The following VPS13B variants were observed in gnomAD, a reference collection of about 807,000 sequenced individuals.
VPS13B encodes intermembrane lipid transfer protein VPS13B.
VPS13B carries 285 observed loss-of-function variants against 426.4 expected under a neutral mutation model. The observed-to-expected ratio is 0.67, with a 90% confidence interval of 0.61 to 0.74. The LOEUF (loss-of-function observed/expected upper bound fraction) is 0.74. Among genes scored for constraint, VPS13B ranks in the 30% least tolerant of loss-of-function variants. The pLI is 0.00. For missense variants in VPS13B, 4,537 were observed against 4,782.6 expected (o/e 0.95, Z 1.51); for synonymous variants, 1,676 against 1,676.4 (o/e 1.00, Z 0.01).
intron 3 of VPS13B, among the ~76,000 whole-genome samples, chr8:99,059,030 A>C (rs1435244386): frequency 6.6e-6 from 1 of 152,256 alleles, no homozygotes; most frequent in Non-Finnish European, 1.5e-5. Context: ...TTTGAAGGAA[A>C]AGTTGAAAAG....
chr8:99,641,835 G>T lies in VPS13B; in HGVS notation c.5245G>T (p.Val1749Leu), dbSNP rs759133784. ...AEISKQEQKKVDIFDGGMAET... is the reference protein window; with the variant it reads ...AEISKQEQKKLDIFDGGMAET... ...GATCTCTAAACAAGAACAGAAAAAA[G>T]TGGATATATTTGATGGAGGCATGGC... The change falls in exon 34 of 62, where the codon GTG (valine) becomes TTG (leucine). Residue 1749 changes from valine (V) to leucine (L), a missense_variant. Coordinates refer to ENST00000357162, the MANE Select transcript of VPS13B (RefSeq NM_152564.5). The T allele has an allele frequency of 6.2e-7, 1 of 1,611,752 alleles. No homozygotes were observed. The highest frequency in any genetic ancestry group is 8.5e-7 in the Non-Finnish European group (1 of 1,178,434).
At chr8:99,315,535 T>G (rs1029235489) in intron 19 of VPS13B, among the ~76,000 whole-genome samples, 1 of 150,204 alleles carries the variant, frequency 6.7e-6, no homozygotes, top group Admixed American at 6.6e-5. Flanking sequence ...AATCTTGGTG[T>G]TTTTTTTTTA....
At chr8:99,054,218 T>C (rs985621232) in intron 3 of VPS13B, among the ~76,000 whole-genome samples, 1 of 152,234 alleles carries the variant, frequency 6.6e-6, no homozygotes, top group East Asian at 1.9e-4. Flanking sequence ...GATCATATAG[T>C]AATTCTGTGT....
intron 35 of VPS13B, chr8:99,697,702 A>T (rs1306776497): frequency 4.7e-6 from 3 of 633,666 alleles, no homozygotes; most frequent in Non-Finnish European, 9.0e-6. Context: ...ACACCTGGAG[A>T]TGGACCAGGG....
chr8:99,623,994 C>CATACATATATATATATATATATATAT (rs1554877591), intron 33 of VPS13B, among the ~76,000 whole-genome samples: 2 of 53,934 alleles, frequency 3.7e-5, no homozygotes, highest in Admixed American at 3.5e-4. Context: ...ATGAAACATA[C>CATACATATATATATATATATATATAT]ATATATATAT....
chr8:99,784,604 T>C, intron 43 of VPS13B, 128 bp downstream of exon 43: 1 of 1,269,278 alleles, frequency 7.9e-7, no homozygotes, highest in Non-Finnish European at 1.1e-6. Context: ...TAGCTACATC[T>C]GACGGAAACC....
chr8:99,073,735 G>T (rs1458731656), intron 3 of VPS13B, among the ~76,000 whole-genome samples: 6 of 141,922 alleles, frequency 4.2e-5, no homozygotes, highest in Non-Finnish European at 7.7e-5. Flanking sequence ...GGAAACCCAG[G>T]ACTTTCTTTT....
chr8:99,234,445 C>A, intron 17 of VPS13B: 1 of 639,106 alleles, frequency 1.6e-6, no homozygotes, highest in Non-Finnish European at 3.0e-6. Flanking sequence ...TTTTCCCATG[C>A]AATTCCACTT....
intron 33 of VPS13B, among the ~76,000 whole-genome samples, chr8:99,623,996 T>TAC (rs61342516): frequency 0.017 from 1,245 of 75,014 alleles, 3 homozygotes; most frequent in East Asian, 0.02. Flanking sequence ...GAAACATACA[T>TAC]ATATATATAT....
intron 35 of VPS13B, among the ~76,000 whole-genome samples, 183 bp downstream of exon 35, chr8:99,661,674 A>C (rs1207522816): frequency 6.6e-6 from 1 of 152,184 alleles, no homozygotes; most frequent in African/African-American, 2.4e-5. Flanking sequence ...AATATGCATT[A>C]AGAATTACCT....
chr8:99,616,219 G>T (rs1028462973), intron 33 of VPS13B, among the ~76,000 whole-genome samples: 1 of 152,060 alleles, frequency 6.6e-6, no homozygotes, highest in Admixed American at 6.6e-5. Flanking sequence ...AGATGCTGAG[G>T]TCCAGTCTCT....
At chr8:99,703,194 T>C (rs867852733) in intron 36 of VPS13B, among the ~76,000 whole-genome samples, 2 of 152,302 alleles carry the variant, frequency 1.3e-5, no homozygotes, top group South Asian at 4.1e-4. Context: ...ATTCCTCTTA[T>C]TATCATTTGG....
At chr8:99,239,979 A>G (rs552060538) in intron 17 of VPS13B, among the ~76,000 whole-genome samples, 1 of 152,302 alleles carries the variant, frequency 6.6e-6, no homozygotes, top group Admixed American at 6.5e-5. Flanking sequence ...TTTGTATCAG[A>G]TTAATGTAAC....
At chr8:99,489,102 G>A (rs1386611736) in intron 25 of VPS13B, among the ~76,000 whole-genome samples, 1 of 152,060 alleles carries the variant, frequency 6.6e-6, no homozygotes, top group Non-Finnish European at 1.5e-5. Flanking sequence ...TTCTACATAT[G>A]GCTAGCCAGT....
intron 39 of VPS13B, among the ~76,000 whole-genome samples, chr8:99,742,701 A>G (rs1809811934): frequency 6.6e-6 from 1 of 152,232 alleles, no homozygotes; most frequent in African/African-American, 2.4e-5. Context: ...AATCCAGCAT[A>G]TAAACAGTAC....
intron 30 of VPS13B, among the ~76,000 whole-genome samples, chr8:99,531,483 A>T (rs1822933802): frequency 6.6e-6 from 1 of 152,176 alleles, no homozygotes; most frequent in South Asian, 2.1e-4. Flanking sequence ...TTCTCCTAGT[A>T]AAATTTAGTT....
At chr8:99,029,656 A>G (rs1020060901) in intron 2 of VPS13B, among the ~76,000 whole-genome samples, 3 of 151,498 alleles carry the variant, frequency 2.0e-5, no homozygotes, top group African/African-American at 4.8e-5. Context: ...CGCGCCTGCA[A>G]TCGCAGGCAC....
At chr8:99,450,761 A>G (rs1320802204) in intron 23 of VPS13B, among the ~76,000 whole-genome samples, 2 of 152,068 alleles carry the variant, frequency 1.3e-5, no homozygotes. Context: ...TTGTCCTCAT[A>G]ACCCCTGAGA....
At chr8:99,442,757 A>T in intron 23 of VPS13B, 122 bp downstream of exon 23, 1 of 1,003,216 alleles carries the variant, frequency 1.0e-6, no homozygotes, top group Non-Finnish European at 1.5e-6. Context: ...ATTTTTCCTG[A>T]CCAAAGTAAG....
Sources: allele counts gnomAD v4.1 joint callset (sites outside exome capture counted in the v4.1 genomes callset), GRCh38; gene constraint gnomAD v4.1.1; transcripts MANE v1.5; gene names NCBI Gene and HGNC (gene_info 2026-07-23, HGNC 2026-07-21).